C12orf56: variants seen among roughly 807,000 people sequenced by gnomAD.
C12orf56 encodes the protein uncharacterized protein C12orf56.
In C12orf56, 71 loss-of-function variants were observed where a neutral mutation model predicts 69.9. The ratio of observed to expected loss-of-function variants is 1.02; its 90% confidence interval spans 0.84 to 1.24. The LOEUF is 1.24. C12orf56 is among the 50% of genes most tolerant of loss of function. The pLI is 0.00. For missense variants in C12orf56, 732 were observed against 738.5 expected (o/e 0.99, Z 0.10); for synonymous variants, 276 against 274.1 (o/e 1.01, Z -0.07).
chr12:64,300,855 C>T (rs1318021399), intron 6 of C12orf56, among the ~76,000 whole-genome samples: 1 of 152,156 alleles, frequency 6.6e-6, no homozygotes, highest in Non-Finnish European at 1.5e-5. Flanking sequence ...AGATGGTAGC[C>T]TGATATGTTC....
At chr12:64,319,452 G>A (rs1226019660) in intron 3 of C12orf56, among the ~76,000 whole-genome samples, 1 of 152,204 alleles carries the variant, frequency 6.6e-6, no homozygotes, top group African/African-American at 2.4e-5. Context: ...TTGGAGTACA[G>A]TGGTGCCATC....
At chr12:64,317,202 A>G in intron 4 of C12orf56, among the ~76,000 whole-genome samples, 1 of 152,150 alleles carries the variant, frequency 6.6e-6, no homozygotes, top group East Asian at 1.9e-4. Context: ...GAAAAAAATT[A>G]AGGGTTGTCC....
intron 11 of C12orf56, among the ~76,000 whole-genome samples, chr12:64,271,845 A>G (rs2037994225): frequency 6.6e-6 from 1 of 152,212 alleles, no homozygotes; most frequent in Non-Finnish European, 1.5e-5. Flanking sequence ...AAGTAAGATA[A>G]TGAGAGCTGA....
At chr12:64,335,332 G>T (rs1048404067) in intron 2 of C12orf56, among the ~76,000 whole-genome samples, 7 of 145,728 alleles carry the variant, frequency 4.8e-5, no homozygotes, top group Non-Finnish European at 8.9e-5. Context: ...AGGGAGAATT[G>T]CTTGAACCTG....
At chr12:64,374,043 T>C (rs1229540667) in intron 1 of C12orf56, among the ~76,000 whole-genome samples, 2 of 152,178 alleles carry the variant, frequency 1.3e-5, no homozygotes, top group East Asian at 3.9e-4. Context: ...TTTTTTTCCA[T>C]TATATTCTAC....
chr12:64,279,797 A>G (rs374323795), intron 8 of C12orf56, among the ~76,000 whole-genome samples: 115 of 152,352 alleles, frequency 7.5e-4, no homozygotes, highest in African/African-American at 2.5e-3. Context: ...TATTCAGGCT[A>G]TTTAAAATGG....
At chr12:64,272,297 G>T (rs1474982231) in intron 11 of C12orf56, among the ~76,000 whole-genome samples, 1 of 152,130 alleles carries the variant, frequency 6.6e-6, no homozygotes, top group Non-Finnish European at 1.5e-5. Flanking sequence ...CTGAGGTCAG[G>T]AGTTTGAGAC....
rs748664915 is a variant in C12orf56 at position 64,274,921 on chromosome 12, G to C, written c.1564C>G (p.Leu522Val). 3 of 1,611,992 alleles carry C rather than the reference G, an allele frequency of 1.9e-6. No individual in the cohort carries two copies. The South Asian group carries it at 3.3e-5, about 18-fold the overall frequency. ...KFAISWIMSF[L>V]QSCPPIITFV... Reference sequence around the variant, plus strand: ...CTTACGATGGGAGGACAGCTTTGTAGAAAGGACATTATCCAGCTAATAGCA... The same window carrying C: ...CTTACGATGGGAGGACAGCTTTGTACAAAGGACATTATCCAGCTAATAGCA... The change falls in exon 11 of 13, where the codon CTA becomes GTA. Residue 522 changes from leucine to valine, a missense_variant. Physicochemically the swap from Leu to Val is conservative, Grantham distance 32 (BLOSUM62 1). Transcript: ENST00000543942.
At chr12:64,333,763 A>G (rs899541385) in intron 2 of C12orf56, among the ~76,000 whole-genome samples, 4 of 152,222 alleles carry the variant, frequency 2.6e-5, no homozygotes, top group African/African-American at 7.2e-5. Context: ...TGGCCTCCCA[A>G]TGTGCTGGGA....
chr12:64,385,417 CT>C (rs1041745489), intron 1 of C12orf56, among the ~76,000 whole-genome samples: 3 of 152,040 alleles, frequency 2.0e-5, no homozygotes, highest in African/African-American at 7.2e-5. Context: ...TTTGTAAGGG[CT>C]TTTTTTCCCC....
intron 6 of C12orf56, among the ~76,000 whole-genome samples, chr12:64,299,215 A>T (rs2038411730): frequency 2.6e-5 from 4 of 152,104 alleles, no homozygotes; most frequent in Non-Finnish European, 5.9e-5. Context: ...AATGCTTGTG[A>T]TTTTTGTGCA....
chr12:64,282,096 C>T (rs1167803902), intron 8 of C12orf56, among the ~76,000 whole-genome samples: 1 of 152,202 alleles, frequency 6.6e-6, no homozygotes, highest in Non-Finnish European at 1.5e-5. Flanking sequence ...TGGTTCATGC[C>T]AGTAATCTCA....
At chr12:64,389,356 C>A (rs1166994953) in intron 1 of C12orf56, 1 of 152,298 alleles carries the variant, frequency 6.6e-6, no homozygotes, top group Non-Finnish European at 1.5e-5. Context: ...CAGCTCCTAG[C>A]GTCGACGCCC....
chr12:64,311,742 A>AT (rs772452959), intron 5 of C12orf56, among the ~76,000 whole-genome samples: 2 of 152,284 alleles, frequency 1.3e-5, no homozygotes, highest in Admixed American at 6.5e-5. Flanking sequence ...TGTCATACAT[A>AT]TTTTTTGTAC....
At chr12:64,318,071 G>GT (rs2038712556) in intron 4 of C12orf56, among the ~76,000 whole-genome samples, 2 of 151,276 alleles carry the variant, frequency 1.3e-5, no homozygotes, top group Admixed American at 1.3e-4. Context: ...ATTTTTGTTT[G>GT]TTTTTTTGAG....
In C12orf56 at chr12:64,297,738, G is replaced by A. The variant is rs566246388; in HGVS notation, c.1113+5897C>T. Among the ~76,000 whole-genome samples, 14 of 152,298 alleles carry A rather than the reference G, an allele frequency of 9.2e-5. No homozygotes were observed. In the South Asian group the frequency reaches 1.7e-3, roughly 18 times the overall value. ...GAACTCATCTTTTTATGGCTGCATA[G>A]TATTCCATGGTGTATATGTGCCACA... On this transcript the variant is annotated intron_variant, in intron 6 of 12. Transcript: ENST00000543942.
rs576435502 is a variant in C12orf56 at position 64,372,016 on chromosome 12, A to C, written c.252+18298T>G. 3.3e-5 allele frequency among the ~76,000 whole-genome samples: 5 copies of C among 151,834 alleles called. No homozygotes were observed. The East Asian group carries it at 9.7e-4, about 30-fold the overall frequency. ...GGCTGGTCTCAAACTACTGACCTCA[A>C]GTGACCCTCCCTCCTCGGCCTCCAT... On this transcript the variant is annotated intron_variant, in intron 1 of 12. Transcript: ENST00000543942.
chr12:64,318,700 A>G lies in C12orf56; in HGVS notation c.769T>C (p.Leu257=), dbSNP rs2136838228. Residue 257 remains leucine (L), a synonymous_variant, in exon 4 of 13, where the codon TTA becomes CTA. Transcript: ENST00000543942. ...GNEFYLGNSL[L]DSPSQSNSNL... ...GAGTTGCTCTGTGAAGGGGAATCTA[A>G]GAGGGAATTTCCTAAGTAAAACTCA... is the stretch of plus-strand genomic sequence containing the variant. 1 of 1,537,218 alleles carries G rather than the reference A, an allele frequency of 6.5e-7. No homozygotes were observed. The highest frequency in any genetic ancestry group is 8.7e-7 in the Non-Finnish European group (1 of 1,146,890).
chr12:64,277,788 A>T lies in C12orf56; in HGVS notation c.1326T>A (p.Asn442Lys), dbSNP rs999723923. 1.3e-6 allele frequency: 2 copies of T among 1,579,868 alleles called. No individual in the cohort carries two copies. Among genetic ancestry groups the T allele is most frequent in the South Asian group, 2.4e-5 (2 of 84,674 alleles). Residue 442 changes from asparagine to lysine, a missense_variant, in exon 9 of 13, where the codon AAT becomes AAA. Physicochemically the swap from Asn to Lys is moderately conservative, Grantham distance 94. Coordinates refer to ENST00000543942, the MANE Select transcript of C12orf56 (RefSeq NM_001170633.2). The part of the protein sequence containing the change: ...TLAAKKGALF[N>K]LLVILISEPQ... ...GCTCACTAATTAAAATTACCAAGAG[A>T]TTAAATAGTGCTCCCCTGGAAAAAA...
Sources: gnomAD v4.1 joint callset for allele counts (sites outside exome capture counted in the v4.1 genomes callset) on GRCh38, gnomAD v4.1.1 for gene constraint, MANE v1.5 for transcripts, NCBI Gene and HGNC (gene_info 2026-07-23, HGNC 2026-07-21) for gene names.